TMTC2: variants seen among roughly 807,000 people sequenced by gnomAD.
The protein encoded by TMTC2 is protein O-mannosyl-transferase TMTC2.
A neutral mutation model predicts 82.4 loss-of-function variants in TMTC2; 43 were observed. The ratio of observed to expected loss-of-function variants is 0.52; its 90% confidence interval spans 0.41 to 0.67. The LOEUF is 0.67. Ranked by LOEUF, TMTC2 falls within the 30% of genes least tolerant of loss-of-function variation. The pLI is 0.00. For synonymous variants in TMTC2, 408 were observed against 381.9 expected (o/e 1.07, Z -0.80); for missense variants, 919 against 1,012.4 (o/e 0.91, Z 1.25).
chr12:83,106,493 C>G (rs1317827546), intron 11 of TMTC2, among the ~76,000 whole-genome samples: 2 of 138,198 alleles, frequency 1.4e-5, no homozygotes, highest in Non-Finnish European at 3.1e-5. Context: ...GAGCAAAACT[C>G]TGTCTCCAAA....
In TMTC2 at chr12:82,976,203, A is replaced by G. The variant is rs1682581; in HGVS notation, c.1948+9206A>G. Among the ~76,000 whole-genome samples the G allele has an allele frequency of 8.6e-3, 1,317 of 152,264 alleles. 30 individuals carry two copies. The highest frequency in any genetic ancestry group is 0.031 in the African/African-American group (1,272 of 41,558). ...GTGATTTATTTCCTTGAAAATATAAAGGAAATTGATTAGCCCGGAGAACTT... is the reference window on the plus strand; with the variant it reads ...GTGATTTATTTCCTTGAAAATATAAGGGAAATTGATTAGCCCGGAGAACTT... On this transcript the variant is annotated intron_variant, in intron 7 of 11. Coordinates refer to ENST00000321196, the MANE Select transcript of TMTC2 (RefSeq NM_152588.3).
chr12:82,911,255 A>G (rs1874638351), intron 3 of TMTC2, among the ~76,000 whole-genome samples: 1 of 152,084 alleles, frequency 6.6e-6, no homozygotes, highest in Non-Finnish European at 1.5e-5. Flanking sequence ...ACATTTGGGC[A>G]GGAAGGCAGG....
At chr12:82,937,244 A>G (rs746879674) in intron 4 of TMTC2, among the ~76,000 whole-genome samples, 12 of 152,202 alleles carry the variant, frequency 7.9e-5, no homozygotes, top group African/African-American at 2.7e-4. Flanking sequence ...TGGCAGGGCC[A>G]TGCTCCCTCT....
intron 1 of TMTC2, among the ~76,000 whole-genome samples, chr12:82,740,591 T>G (rs763693196): frequency 3.3e-5 from 5 of 152,186 alleles, no homozygotes; most frequent in African/African-American, 7.2e-5. Flanking sequence ...TGTCTCGAAT[T>G]CATTAGAACC....
intron 9 of TMTC2, among the ~76,000 whole-genome samples, chr12:83,045,721 A>ACACACACACACACACACACACC (rs1262586971): frequency 8.0e-6 from 1 of 125,420 alleles, no homozygotes; most frequent in African/African-American, 2.8e-5. Context: ...ACACACACAC[A>ACACACACACACACACACACACC]CACACGCACA....
chr12:82,819,495 TTC>T (rs1868953257), intron 1 of TMTC2, among the ~76,000 whole-genome samples: 1 of 141,784 alleles, frequency 7.1e-6, no homozygotes, highest in Non-Finnish European at 1.5e-5. Flanking sequence ...CTTTCTCTCT[TTC>T]TTTTTTTTTT....
chr12:83,118,172 G>A (rs1232996044), intron 11 of TMTC2, among the ~76,000 whole-genome samples: 1 of 151,966 alleles, frequency 6.6e-6, no homozygotes, highest in Non-Finnish European at 1.5e-5. Flanking sequence ...TCCTTCTCTT[G>A]TCTGATTGCT....
intron 11 of TMTC2, among the ~76,000 whole-genome samples, chr12:83,100,479 G>T (rs1884181935): frequency 6.6e-6 from 1 of 152,036 alleles, no homozygotes; most frequent in Non-Finnish European, 1.5e-5. Context: ...GTAGAAAATG[G>T]TAAAGTGAGG....
In TMTC2 at chr12:82,965,709, C is replaced by G. The variant is rs139043059; in HGVS notation, c.1834C>G (p.Leu612Val). ...KSSVTSCLYN[L>V]GKLYHEQGHY... ...CTCTGTTACCAGTTGTTTGTACAAC[C>G]TAGGAAAGCTGTATCATGAGCAGGG... The change falls in exon 6 of 12, where the codon CTA (leucine) becomes GTA (valine). Residue 612 changes from leucine (L) to valine (V), a missense_variant. Leu to Val is a conservative substitution (Grantham distance 32). Transcript: ENST00000321196. 112 of 1,613,760 alleles carry G rather than the reference C, an allele frequency of 6.9e-5. No homozygotes were observed. In the African/African-American group the frequency reaches 1.2e-3, roughly 17 times the overall value.
At chr12:83,081,332 A>G (rs529077121) in intron 11 of TMTC2, among the ~76,000 whole-genome samples, 3 of 152,338 alleles carry the variant, frequency 2.0e-5, no homozygotes, top group African/African-American at 7.2e-5. Context: ...ACATTTTTAT[A>G]AAAATAATTT....
chr12:82,886,085 T>G (rs544477378), intron 2 of TMTC2, among the ~76,000 whole-genome samples: 2 of 152,350 alleles, frequency 1.3e-5, no homozygotes, highest in African/African-American at 2.4e-5. Context: ...CCACTTTACT[T>G]TTTTTGATGC....
intron 1 of TMTC2, among the ~76,000 whole-genome samples, chr12:82,782,368 C>T (rs537124142): frequency 2.6e-5 from 4 of 152,178 alleles, no homozygotes; most frequent in African/African-American, 7.2e-5. Context: ...TGATATGTAT[C>T]GGATGGTACT....
Position 82,895,978 on chromosome 12 carries a change from CCTT to C in TMTC2, c.821_823del (p.Phe274del). Reference sequence around the variant, plus strand: ...GACAGCCTCCTCACCCGCACTCTCACCTTCTTCTACTTGCCAACCAAGAACCTC... The same window carrying C: ...GACAGCCTCCTCACCCGCACTCTCACCTTCTACTTGCCAACCAAGAACCTC... On this transcript the variant is annotated inframe_deletion, in exon 3 of 12. Transcript: ENST00000321196. 1 of 1,613,828 alleles carries C rather than the reference CCTT, an allele frequency of 6.2e-7. No homozygotes were observed. The highest frequency in any genetic ancestry group is 8.5e-7 in the Non-Finnish European group (1 of 1,179,974).
chr12:83,024,351 G>A (rs1257774866), intron 8 of TMTC2, among the ~76,000 whole-genome samples: 1 of 152,082 alleles, frequency 6.6e-6, no homozygotes, highest in Non-Finnish European at 1.5e-5. Context: ...TATAATGCAT[G>A]GTTAAACAAC....
intron 4 of TMTC2, among the ~76,000 whole-genome samples, chr12:82,959,951 A>G (rs767649280): frequency 1.1e-4 from 17 of 152,102 alleles, no homozygotes; most frequent in Admixed American, 2.0e-4. Context: ...TCCAGAATCT[A>G]TGAGGAATGT....
At chr12:83,038,497 T>C (rs11115559) in intron 9 of TMTC2, among the ~76,000 whole-genome samples, 24,394 of 152,140 alleles carry the variant, frequency 0.16, 3,032 homozygotes, top group African/African-American at 0.34. Flanking sequence ...GCCTTGACTT[T>C]GCTATTTGTT....
At chr12:83,003,975 T>A (rs1880036108) in intron 8 of TMTC2, among the ~76,000 whole-genome samples, 1 of 152,182 alleles carries the variant, frequency 6.6e-6, no homozygotes, top group Non-Finnish European at 1.5e-5. Flanking sequence ...ATAAGTTGCT[T>A]ACCCTCTCTC....
intron 1 of TMTC2, among the ~76,000 whole-genome samples, chr12:82,810,691 C>T (rs1879455647): frequency 6.6e-6 from 1 of 152,072 alleles, no homozygotes; most frequent in Non-Finnish European, 1.5e-5. Context: ...TTGTAATCCC[C>T]ATAATCCCCA....
intron 7 of TMTC2, among the ~76,000 whole-genome samples, chr12:82,980,574 C>T (rs1878872260): frequency 6.6e-6 from 1 of 150,388 alleles, no homozygotes; most frequent in Non-Finnish European, 1.5e-5. Flanking sequence ...TCAGTTGGGA[C>T]CATTTTGTAA....
Sources: allele counts gnomAD v4.1 joint callset (sites outside exome capture counted in the v4.1 genomes callset), GRCh38; gene constraint gnomAD v4.1.1; transcripts MANE v1.5; gene names NCBI Gene and HGNC (gene_info 2026-07-23, HGNC 2026-07-21).